The following NETO1 variants were observed in gnomAD, a reference collection of about 807,000 sequenced individuals.
NETO1 encodes neuropilin and tolloid like 1, also known as neuropilin and tolloid-like protein 1.
NETO1 carries 26 observed loss-of-function variants against 61.3 expected under a neutral mutation model. The ratio of observed to expected loss-of-function variants is 0.42; its 90% CI spans 0.31 to 0.59. NETO1 has a LOEUF of 0.59. Ranked by LOEUF, NETO1 falls within the 20% of genes least tolerant of loss-of-function variation. The pLI is 0.12. For missense variants in NETO1, 531 were observed against 662.8 expected (o/e 0.80, Z 2.18); for synonymous variants, 225 against 225.8 (o/e 1.00, Z 0.03).
At chr18:72,762,719 A>G (rs2071019016) in intron 7 of NETO1, among the ~76,000 whole-genome samples, 1 of 152,200 alleles carries the variant, frequency 6.6e-6, no homozygotes, top group African/African-American at 2.4e-5. Flanking sequence ...TATTACCACA[A>G]GGTGGCGAAC....
rs142665410 is a variant in NETO1 at position 72,816,521 on chromosome 18, C to T, written c.470-22117G>A. 4.1e-3 allele frequency among the ~76,000 whole-genome samples: 623 copies of T among 152,126 alleles called. 4 individuals are homozygous for T. The highest frequency in any genetic ancestry group is 0.014 in the African/African-American group (582 of 41,514). On this transcript the variant is annotated intron_variant, in intron 4 of 10. Transcript: ENST00000327305. ...ACCTGCAACATGGGCCATTTGGGAGCGGGGGAAAGGGAGGAAGGGTAAATC... is the reference window on the plus strand; with the variant it reads ...ACCTGCAACATGGGCCATTTGGGAGTGGGGGAAAGGGAGGAAGGGTAAATC...
intron 7 of NETO1, among the ~76,000 whole-genome samples, chr18:72,772,362 T>G (rs980570777): frequency 9.2e-5 from 14 of 152,058 alleles, no homozygotes; most frequent in African/African-American, 3.1e-4. Context: ...CATGACCCCA[T>G]GACATAAAGT....
At position 72,845,810 on chromosome 18, in the gene NETO1, ACATGTTTATAAT is replaced by A. The variant is rs544972597; in HGVS notation, c.469+13004_469+13015del. Among the ~76,000 whole-genome samples the A allele has an allele frequency of 9.2e-4, 140 of 152,376 alleles. 1 individual carries two copies. Among genetic ancestry groups the A allele is most frequent in the Non-Finnish European group, 1.8e-3 (121 of 68,034 alleles). Reference sequence around the variant, plus strand: ...GATATTGCAAACAACAGAGCAAATCACATGTTTATAATCATATTGTCTTAAATTAAGAGTTGG... The same window carrying A: ...GATATTGCAAACAACAGAGCAAATCACATATTGTCTTAAATTAAGAGTTGG... On this transcript the variant is annotated intron_variant, in intron 4 of 10. Transcript: ENST00000327305.
chr18:72,851,967 C>T (rs1386534707), intron 4 of NETO1, among the ~76,000 whole-genome samples: 1 of 152,134 alleles, frequency 6.6e-6, no homozygotes, highest in Non-Finnish European at 1.5e-5. Context: ...ACTCTGCTCT[C>T]TTGATTTTTA....
intron 4 of NETO1, among the ~76,000 whole-genome samples, chr18:72,800,210 G>A (rs965092073): frequency 2.6e-5 from 4 of 152,200 alleles, no homozygotes; most frequent in African/African-American, 9.6e-5. Flanking sequence ...CAGGTGAATG[G>A]ACTTTAGCCA....
intron 4 of NETO1, among the ~76,000 whole-genome samples, chr18:72,807,235 T>A (rs545408286): frequency 3.9e-5 from 6 of 152,220 alleles, no homozygotes; most frequent in African/African-American, 9.6e-5. Flanking sequence ...TCTGTCTACC[T>A]AATGGTTTTC....
chr18:72,788,488 G>C (rs751672884), intron 6 of NETO1, among the ~76,000 whole-genome samples: 24 of 151,648 alleles, frequency 1.6e-4, no homozygotes, highest in Non-Finnish European at 2.5e-4. Flanking sequence ...CTTAAATCTT[G>C]TACCACAATA....
At chr18:72,846,845 T>C (rs1568255961) in intron 4 of NETO1, among the ~76,000 whole-genome samples, 1 of 152,222 alleles carries the variant, frequency 6.6e-6, no homozygotes, top group East Asian at 1.9e-4. Flanking sequence ...TTACTTATCA[T>C]TGCCATGGCA....
Position 72,756,041 on chromosome 18 carries a change from G to C in NETO1, c.975C>G (p.His325Gln). 1 of 1,585,430 alleles carries C rather than the reference G, an allele frequency of 6.3e-7. No homozygotes were observed. Among genetic ancestry groups the C allele is most frequent in the Non-Finnish European group, 8.7e-7 (1 of 1,155,644 alleles). The part of the protein sequence containing the change: ...QNCVYPWDEN[H>Q]CKEKRKTSLL... ...TCAGGCACTAATCATTACCTTTACA[G>C]TGATTTTCATCCCAAGGATACACAC... The change falls in exon 8 of 11, where the codon CAC (histidine) becomes CAG (glutamine). Residue 325 changes from histidine to glutamine, a missense_variant. Physicochemically the swap from His to Gln is conservative, Grantham distance 24 (BLOSUM62 0). Transcript: ENST00000327305.
intron 4 of NETO1, among the ~76,000 whole-genome samples, chr18:72,833,559 C>A (rs1348601511): frequency 6.6e-6 from 1 of 152,126 alleles, no homozygotes; most frequent in Non-Finnish European, 1.5e-5. Flanking sequence ...GACTCCATTA[C>A]CGTCTCTCAC....
intron 4 of NETO1, among the ~76,000 whole-genome samples, chr18:72,841,478 AC>A (rs2073928989): frequency 6.6e-6 from 1 of 151,988 alleles, no homozygotes; most frequent in South Asian, 2.1e-4. Flanking sequence ...CACGTCTGCA[AC>A]CCCAACACTT....
intron 7 of NETO1, among the ~76,000 whole-genome samples, chr18:72,757,178 A>G (rs186716408): frequency 5.9e-5 from 9 of 152,298 alleles, no homozygotes; most frequent in African/African-American, 1.7e-4. Context: ...TGAATTTCCA[A>G]TGATTGACAA....
chr18:72,859,336 C>T (rs2074499918), intron 3 of NETO1, among the ~76,000 whole-genome samples: 1 of 152,114 alleles, frequency 6.6e-6, no homozygotes, highest in African/African-American at 2.4e-5. Flanking sequence ...TTGCGCAGGA[C>T]TAACAAAGCA....
At chr18:72,816,654 C>T (rs1029171786) in intron 4 of NETO1, among the ~76,000 whole-genome samples, 7 of 152,160 alleles carry the variant, frequency 4.6e-5, no homozygotes, top group African/African-American at 1.7e-4. Flanking sequence ...AAAAGGCAAC[C>T]GTGCCTGGAT....
chr18:72,818,296 C>A (rs1399977899), intron 4 of NETO1, among the ~76,000 whole-genome samples: 1 of 152,144 alleles, frequency 6.6e-6, no homozygotes, highest in Non-Finnish European at 1.5e-5. Flanking sequence ...GTTCCAAATT[C>A]TTTTGTGTGC....
chr18:72,865,746 G>C, intron 1 of NETO1: 1 of 1,437,270 alleles, frequency 7.0e-7, no homozygotes, highest in Non-Finnish European at 9.3e-7. Context: ...CTGTGGAGGA[G>C]GAGAATAAGC....
chr18:72,761,598 A>G (rs181465321), intron 7 of NETO1, among the ~76,000 whole-genome samples: 2 of 152,338 alleles, frequency 1.3e-5, no homozygotes, highest in Admixed American at 1.3e-4. Flanking sequence ...ATAGCTCTCA[A>G]CCTTGGGCTG....
chr18:72,794,271 C>T (rs183367428), intron 5 of NETO1, 27 bp from the exon 6 acceptor site: 42 of 1,613,826 alleles, frequency 2.6e-5, no homozygotes, highest in Non-Finnish European at 3.4e-5. Flanking sequence ...CAAACAAACA[C>T]ACAAAAACGG....
chr18:72,804,092 G>T (rs2072596757), intron 4 of NETO1, among the ~76,000 whole-genome samples: 3 of 150,916 alleles, frequency 2.0e-5, no homozygotes, highest in Non-Finnish European at 3.0e-5. Context: ...ACACATTATT[G>T]GTTTATTGGT....
Sources: gnomAD v4.1 joint callset for allele counts (sites outside exome capture counted in the v4.1 genomes callset) on GRCh38, gnomAD v4.1.1 for gene constraint, MANE v1.5 for transcripts, NCBI Gene and HGNC (gene_info 2026-07-23, HGNC 2026-07-21) for gene names.